Variants in ERBB4 observed in about 807,000 individuals in gnomAD.
The protein encoded by ERBB4 is receptor tyrosine-protein kinase erbB-4.
In ERBB4, 42 loss-of-function variants were observed where a neutral mutation model predicts 158.0. The observed-to-expected ratio is 0.27, with a 90% CI of 0.21 to 0.34. The LOEUF is 0.34. Among genes scored for constraint, ERBB4 ranks in the 10% least tolerant of loss-of-function variants. The probability of loss-of-function intolerance (pLI) is 1.00; values close to 1 mark genes in which losing one functional copy is unlikely to be tolerated. For missense variants in ERBB4, 1,333 were observed against 1,624.1 expected, an observed-to-expected ratio of 0.82 and a Z score of 3.08; for synonymous variants, 583 against 558.7, an observed-to-expected ratio of 1.04 and a Z score of -0.61.
chr2:212,176,811 C>T (rs1010411146), intron 1 of ERBB4, among the ~76,000 whole-genome samples: 13 of 151,780 alleles, frequency 8.6e-5, no homozygotes, highest in East Asian at 1.9e-4. Context: ...ATGTATACTT[C>T]GACCAAACTA....
At chr2:212,065,031 T>C (rs996983569) in intron 2 of ERBB4, among the ~76,000 whole-genome samples, 2 of 148,556 alleles carry the variant, frequency 1.3e-5, no homozygotes, top group African/African-American at 5.0e-5. Flanking sequence ...GTGTGTGTTG[T>C]GTGTGTGTGT....
At chr2:212,426,598 C>A (rs1505348) in intron 1 of ERBB4, among the ~76,000 whole-genome samples, 14,100 of 152,104 alleles carry the variant, frequency 0.093, 900 homozygotes, top group Non-Finnish European at 0.15. Flanking sequence ...CCTCAAGGTT[C>A]CTGCGTGTTT....
intron 2 of ERBB4, among the ~76,000 whole-genome samples, chr2:211,980,144 A>T (rs1198987381): frequency 6.6e-6 from 1 of 152,194 alleles, no homozygotes; most frequent in Non-Finnish European, 1.5e-5. Flanking sequence ...TCTTGAATAA[A>T]AATAGAATTG....
chr2:212,033,120 C>A (rs1376400293), intron 2 of ERBB4, among the ~76,000 whole-genome samples: 1 of 151,870 alleles, frequency 6.6e-6, no homozygotes, highest in African/African-American at 2.4e-5. Context: ...ATGATACTTA[C>A]AAAATTATAT....
intron 3 of ERBB4, among the ~76,000 whole-genome samples, chr2:211,922,463 C>A (rs2079882330): frequency 6.6e-6 from 1 of 151,888 alleles, no homozygotes; most frequent in Non-Finnish European, 1.5e-5. Context: ...TCTATTTTAA[C>A]AGTTCATAAA....
chr2:211,738,786 C>T (rs1472742605), intron 5 of ERBB4, among the ~76,000 whole-genome samples: 1 of 151,548 alleles, frequency 6.6e-6, no homozygotes, highest in Non-Finnish European at 1.5e-5. Flanking sequence ...CATGCGTCAG[C>T]CTCCCAAATA....
intron 1 of ERBB4, among the ~76,000 whole-genome samples, chr2:212,491,678 T>A (rs1298244307): frequency 9.9e-5 from 15 of 151,612 alleles, no homozygotes; most frequent in Admixed American, 9.9e-4. Context: ...AATTATAGTC[T>A]AGTAAGTTAT....
chr2:212,105,866 T>C (rs1455793928), intron 2 of ERBB4, among the ~76,000 whole-genome samples: 3 of 152,148 alleles, frequency 2.0e-5, no homozygotes. Context: ...TCATAGGAGA[T>C]CTGATAGTTT....
intron 1 of ERBB4, among the ~76,000 whole-genome samples, chr2:212,222,548 C>T (rs527420478): frequency 6.6e-6 from 1 of 151,472 alleles, no homozygotes; most frequent in East Asian, 1.9e-4. Context: ...TTTAAAGCAG[C>T]ATTTAACACA....
chr2:212,030,480 C>T (rs2076878118), intron 2 of ERBB4, among the ~76,000 whole-genome samples: 1 of 152,100 alleles, frequency 6.6e-6, no homozygotes, highest in Non-Finnish European at 1.5e-5. Context: ...ACAATGTTGT[C>T]TTAGTTTGGG....
chr2:211,839,126 AGAGAGAGG>A (rs1262257650), intron 3 of ERBB4, among the ~76,000 whole-genome samples: 6 of 141,018 alleles, frequency 4.3e-5, no homozygotes, highest in Non-Finnish European at 9.2e-5. Context: ...ATAAAGAGAG[AGAGAGAGG>A]GAGAGAGGGA....
chr2:211,865,215 A>C (rs1037034270), intron 3 of ERBB4, among the ~76,000 whole-genome samples: 1 of 151,126 alleles, frequency 6.6e-6, no homozygotes, highest in African/African-American at 2.4e-5. Context: ...GTATATATCT[A>C]TATGTATATA....
At chr2:212,150,087 T>C (rs997544353) in intron 1 of ERBB4, among the ~76,000 whole-genome samples, 1 of 152,158 alleles carries the variant, frequency 6.6e-6, no homozygotes, top group Non-Finnish European at 1.5e-5. Context: ...TTTCCTAAGG[T>C]TATTGTAATA....
intron 7 of ERBB4, among the ~76,000 whole-genome samples, chr2:211,714,653 A>T (rs2073834289): frequency 6.6e-6 from 1 of 152,224 alleles, no homozygotes; most frequent in Admixed American, 6.5e-5. Context: ...ACAGGATTGC[A>T]CACCATTTAA....
At chr2:212,009,967 A>C (rs754095962) in intron 2 of ERBB4, among the ~76,000 whole-genome samples, 11 of 152,216 alleles carry the variant, frequency 7.2e-5, no homozygotes, top group Non-Finnish European at 1.5e-4. Flanking sequence ...ATAAGCCAGA[A>C]TAATCTTCCT....
At chr2:211,783,131 AT>A (rs2076076944) in intron 4 of ERBB4, among the ~76,000 whole-genome samples, 1 of 152,168 alleles carries the variant, frequency 6.6e-6, no homozygotes, top group Non-Finnish European at 1.5e-5. Flanking sequence ...CTTTGAAGCA[AT>A]TGTGAATGGG....
intron 20 of ERBB4, among the ~76,000 whole-genome samples, chr2:211,533,934 C>G (rs1476982746): frequency 1.3e-5 from 2 of 152,024 alleles, no homozygotes; most frequent in African/African-American, 4.8e-5. Context: ...GTAGAAAGTT[C>G]TCAGAAGACT....
At chr2:212,260,705 C>A (rs867678577) in intron 1 of ERBB4, among the ~76,000 whole-genome samples, 2 of 151,938 alleles carry the variant, frequency 1.3e-5, no homozygotes, top group Admixed American at 1.3e-4. Context: ...CCAAGCTACT[C>A]GGGAGGCTAA....
chr2:211,630,242 A>G (rs1160377486), intron 17 of ERBB4, among the ~76,000 whole-genome samples: 1 of 152,174 alleles, frequency 6.6e-6, no homozygotes, highest in Non-Finnish European at 1.5e-5. Flanking sequence ...CCCCAATACA[A>G]TAATTTTCTT....
Sources: allele counts gnomAD v4.1 joint callset (sites outside exome capture counted in the v4.1 genomes callset), GRCh38; gene constraint gnomAD v4.1.1; transcripts MANE v1.5; gene names NCBI Gene and HGNC (gene_info 2026-07-23, HGNC 2026-07-21).